SOD3: variants seen among roughly 807,000 people sequenced by gnomAD.
SOD3 encodes the protein superoxide dismutase 3.
SOD3 carries 3 observed loss-of-function variants against 2.6 expected under a neutral mutation model. The ratio of observed to expected loss-of-function variants is 1.13; its 90% CI spans 0.52 to 2.93. The LOEUF (loss-of-function observed/expected upper bound fraction) is 2.93. Among genes scored for constraint, SOD3 ranks in the 30% most tolerant of loss-of-function variants. The probability of loss-of-function intolerance (pLI) is 0.04; values close to 1 mark genes in which losing one functional copy is unlikely to be tolerated. For missense variants in SOD3, 379 were observed against 370.4 expected, an observed-to-expected ratio of 1.02 and a Z score of -0.19; for synonymous variants, 188 against 177.5, an observed-to-expected ratio of 1.06 and a Z score of -0.47.
intron 1 of SOD3, among the ~76,000 whole-genome samples, chr4:24,796,432 T>TCC (rs1713660972): frequency 1.0e-5 from 1 of 98,376 alleles, no homozygotes; most frequent in Non-Finnish European, 2.2e-5. Flanking sequence ...TCCTCCTTCT[T>TCC]CTCTTTTTTT....
Position 24,800,027 on chromosome 4 carries a change from G to T in SOD3, c.506G>T (p.Gly169Val). 6.5e-7 allele frequency: 1 copy of T among 1,527,984 alleles called. No individual in the cohort carries two copies. Among genetic ancestry groups the T allele is most frequent in the Non-Finnish European group, 8.7e-7 (1 of 1,147,020 alleles). 94.7% of individuals were successfully genotyped at this position (1,527,984 alleles called of 1,614,324 possible). A position where few individuals can be genotyped will look rare whatever the true frequency, so the allele number is the denominator to read the frequency against. Residue 169 changes from glycine (G) to valine (V), a missense_variant, in exon 2 of 2, where the codon GGC becomes GTC. By Grantham distance (109) the Gly-to-Val change is moderately radical (BLOSUM62 -3). Transcript: ENST00000382120. The part of the protein sequence containing the change: ...YRAGLAASLA[G>V]PHSIVGRAVV... ...GCCGGCCTGGCCGCCTCGCTCGCGG[G>T]CCCGCACTCCATCGTGGGCCGGGCC...
chr4:24,797,468 C>T (rs1271016010), intron 1 of SOD3, among the ~76,000 whole-genome samples: 3 of 152,268 alleles, frequency 2.0e-5, no homozygotes, highest in Admixed American at 2.0e-4. Context: ...GTGTCTGGCG[C>T]CTGTGTTCGA....
chr4:24,799,276 T>A (rs1159261172), intron 1 of SOD3, among the ~76,000 whole-genome samples: 4 of 152,266 alleles, frequency 2.6e-5, no homozygotes, highest in Non-Finnish European at 1.5e-5. Context: ...CAGATCCCTG[T>A]GGGTTTCTTC....
At chr4:24,797,101 C>G (rs1483681194) in intron 1 of SOD3, among the ~76,000 whole-genome samples, 2 of 152,180 alleles carry the variant, frequency 1.3e-5, no homozygotes, top group African/African-American at 4.8e-5. Flanking sequence ...CTTCTTGGAG[C>G]CTTTCAAGGG....
Position 24,799,855 on chromosome 4 carries a change from G to T in SOD3, c.334G>T (p.Ala112Ser), listed in dbSNP as rs772959611. The change falls in exon 2 of 2, where the codon GCC (alanine) becomes TCC (serine). Residue 112 changes from alanine (A) to serine (S), a missense_variant. By Grantham distance (99) the Ala-to-Ser change is moderately conservative. Coordinates refer to ENST00000382120, the MANE Select transcript of SOD3 (RefSeq NM_003102.4). ...FPTEPNSSSR[A>S]IHVHQFGDLS... ...GACCGAGCCGAACAGCTCCAGCCGCGCCATCCACGTGCACCAGTTCGGGGA... is the reference window on the plus strand; with the variant it reads ...GACCGAGCCGAACAGCTCCAGCCGCTCCATCCACGTGCACCAGTTCGGGGA... 6.2e-7 allele frequency: 1 copy of T among 1,602,596 alleles called. No homozygotes were observed. Among genetic ancestry groups the T allele is most frequent in the East Asian group, 2.2e-5 (1 of 44,754 alleles).
chr4:24,795,895 A>T (rs1278944858), intron 1 of SOD3, among the ~76,000 whole-genome samples: 1 of 152,020 alleles, frequency 6.6e-6, no homozygotes, highest in African/African-American at 2.4e-5. Context: ...AGAGGATTTT[A>T]GTGTTAGGAA....
At position 24,799,743 on chromosome 4, in the gene SOD3, G is replaced by T; in HGVS notation, c.222G>T (p.Ala74=). The change falls in exon 2 of 2, where the codon GCG becomes GCT. Residue 74 remains alanine, a synonymous_variant. Coordinates refer to ENST00000382120, the MANE Select transcript of SOD3 (RefSeq NM_003102.4). ...QVQPSATLDA[A]QPRVTGVVLF... ...AGCCGTCGGCCACGCTGGACGCCGC[G>T]CAGCCCCGGGTGACCGGCGTCGTCC... 1 of 1,561,260 alleles carries T rather than the reference G, an allele frequency of 6.4e-7. No homozygotes were observed. The highest frequency in any genetic ancestry group is 8.6e-7 in the Non-Finnish European group (1 of 1,159,306).
chr4:24,797,267 G>A (rs1432469708), intron 1 of SOD3, among the ~76,000 whole-genome samples: 1 of 152,220 alleles, frequency 6.6e-6, no homozygotes, highest in Non-Finnish European at 1.5e-5. Context: ...GTGCAGTGTG[G>A]TGCCTAAACC....
chr4:24,799,940 C>A lies in SOD3; in HGVS notation c.419C>A (p.Pro140Gln). 1.3e-6 allele frequency: 2 copies of A among 1,594,888 alleles called. No individual in the cohort carries two copies. Among genetic ancestry groups the A allele is most frequent in the Non-Finnish European group, 1.7e-6 (2 of 1,177,264 alleles). ...PHYNPLAVPH[P>Q]QHPGDFGNFA... Reference sequence around the variant, plus strand: ...TACAACCCGCTGGCCGTGCCGCACCCGCAGCACCCGGGCGACTTCGGCAAC... The same window carrying A: ...TACAACCCGCTGGCCGTGCCGCACCAGCAGCACCCGGGCGACTTCGGCAAC... Residue 140 changes from proline to glutamine, a missense_variant, in exon 2 of 2, where the codon CCG becomes CAG. Physicochemically the swap from Pro to Gln is moderately conservative, Grantham distance 76. Coordinates refer to ENST00000382120, the MANE Select transcript of SOD3 (RefSeq NM_003102.4).
In SOD3 at chr4:24,799,784, C is replaced by G. The variant is rs540249802; in HGVS notation, c.263C>G (p.Ala88Gly). ...VTGVVLFRQL[A>G]PRAKLDAFFA... ...GGCGTCGTCCTCTTCCGGCAGCTTG[C>G]GCCCCGCGCCAAGCTCGACGCCTTC... The change falls in exon 2 of 2, where the codon GCG (alanine) becomes GGG (glycine). Residue 88 changes from alanine to glycine, a missense_variant. Ala to Gly is a moderately conservative substitution (Grantham distance 60). Coordinates refer to ENST00000382120, the MANE Select transcript of SOD3 (RefSeq NM_003102.4). 37 of 1,580,464 alleles carry G rather than the reference C, an allele frequency of 2.3e-5. No homozygotes were observed. The African/African-American group carries it at 4.4e-4, about 19-fold the overall frequency.
chr4:24,799,695 G>C lies in SOD3; in HGVS notation c.174G>C (p.Ala58=), dbSNP rs780131155. ...EVMQRRDDDG[A]LHAACQVQPS... ...TGCAGCGGCGGGACGACGACGGCGC[G>C]CTCCACGCCGCCTGCCAGGTGCAGC... The change falls in exon 2 of 2, where the codon GCG becomes GCC. Residue 58 remains alanine (A), a synonymous_variant. Coordinates refer to ENST00000382120, the MANE Select transcript of SOD3 (RefSeq NM_003102.4). 1 of 1,574,312 alleles carries C rather than the reference G, an allele frequency of 6.4e-7. No homozygotes were observed. Among genetic ancestry groups the C allele is most frequent in the South Asian group, 1.1e-5 (1 of 87,204 alleles).
At chr4:24,795,760 T>C (rs1391296236) in intron 1 of SOD3, 109 bp downstream of exon 1, 1 of 152,406 alleles carries the variant, frequency 6.6e-6, no homozygotes, top group Non-Finnish European at 1.5e-5. Flanking sequence ...GATCATCTTC[T>C]TGGGAAGGAA....
chr4:24,798,647 T>C (rs546916398), intron 1 of SOD3, among the ~76,000 whole-genome samples: 2 of 152,296 alleles, frequency 1.3e-5, no homozygotes, highest in Non-Finnish European at 2.9e-5. Flanking sequence ...CTTAAGGAAC[T>C]AAAGACTATC....
At chr4:24,795,987 G>A (rs765455870) in intron 1 of SOD3, among the ~76,000 whole-genome samples, 1 of 152,172 alleles carries the variant, frequency 6.6e-6, no homozygotes, top group African/African-American at 2.4e-5. Context: ...GGGACAGCAG[G>A]TACTCTAAAA....
rs554885683 is a variant in SOD3, at chr4:24,800,454, C to G, written c.*210C>G. 3 of 429,720 alleles carry G rather than the reference C, an allele frequency of 7.0e-6. No individual in the cohort carries two copies. The highest frequency in any genetic ancestry group is 1.0e-4 in the South Asian group (1 of 10,038). The allele number at this position is 429,720 out of a possible 1,614,324, so 26.6% of individuals were successfully genotyped here. A position where few individuals can be genotyped will look rare whatever the true frequency, so the allele number is the denominator to read the frequency against. On this transcript the variant is annotated 3_prime_UTR_variant, in exon 2 of 2. Transcript: ENST00000382120. Reference sequence around the variant, plus strand: ...GACCGCCCCAACCCTCGGAGCCCCCCACTCAGTAGGTCTGAAGGCCTCCAT... The same window carrying G: ...GACCGCCCCAACCCTCGGAGCCCCCGACTCAGTAGGTCTGAAGGCCTCCAT...
chr4:24,799,429 T>C, intron 1 of SOD3, 77 bp from the exon 2 acceptor site: 2 of 1,511,354 alleles, frequency 1.3e-6, no homozygotes, highest in Non-Finnish European at 1.8e-6. Flanking sequence ...GGTTCTGCGA[T>C]AATGGGGTCC....
chr4:24,796,076 G>A (rs1270068704), intron 1 of SOD3, among the ~76,000 whole-genome samples: 1 of 152,162 alleles, frequency 6.6e-6, no homozygotes, highest in Non-Finnish European at 1.5e-5. Flanking sequence ...GACAGCTGAG[G>A]GATGAAACAC....
rs17878878 is a variant in SOD3 at position 24,798,813 on chromosome 4, G to A, written c.-16-693G>A. 1.1e-4 allele frequency among the ~76,000 whole-genome samples: 17 copies of A among 152,178 alleles called. No individual in the cohort carries two copies. In the South Asian group the frequency reaches 3.1e-3, roughly 28 times the overall value. Reference sequence around the variant, plus strand: ...CTTCCCTGAGGCTCCTAGGGAGATGGGTACTGCCTCCTCTGTCCTTCTCCA... The same window carrying A: ...CTTCCCTGAGGCTCCTAGGGAGATGAGTACTGCCTCCTCTGTCCTTCTCCA... On this transcript the variant is annotated intron_variant, in intron 1 of 1. Transcript: ENST00000382120.
At position 24,799,488 on chromosome 4, in the gene SOD3, C is replaced by G; in HGVS notation, c.-16-18C>G. On this transcript the variant is annotated intron_variant, in intron 1 of 1. Transcript: ENST00000382120. ...CTAAGCCTCACTCTGCCCCCACCTC[C>G]GCGGGGGCGTCCCGCAGGTGCCCGA... 6.3e-7 allele frequency: 1 copy of G among 1,593,488 alleles called. No homozygotes were observed. The highest frequency in any genetic ancestry group is 8.5e-7 in the Non-Finnish European group (1 of 1,177,370).
Sources: allele counts gnomAD v4.1 joint callset (sites outside exome capture counted in the v4.1 genomes callset), GRCh38; gene constraint gnomAD v4.1.1; transcripts MANE v1.5; gene names NCBI Gene and HGNC (gene_info 2026-07-23, HGNC 2026-07-21).